TNFAIP8: variants seen among roughly 807,000 people sequenced by gnomAD.
The protein encoded by TNFAIP8 is tumor necrosis factor alpha-induced protein 8.
TNFAIP8 carries 7 observed loss-of-function variants against 13.3 expected under a neutral mutation model. The ratio of observed to expected loss-of-function variants is 0.52; its 90% confidence interval spans 0.30 to 0.99. TNFAIP8 has a LOEUF of 0.99. Ranked by LOEUF, TNFAIP8 falls within the 50% of genes least tolerant of loss-of-function variation. TNFAIP8 has a pLI of 0.07. For synonymous variants in TNFAIP8, 94 were observed against 87.6 expected, an observed-to-expected ratio of 1.07 and a Z score of -0.41; for missense variants, 258 against 236.9, an observed-to-expected ratio of 1.09 and a Z score of -0.58.
upstream of TNFAIP8, chr5:119,355,310 C>T (rs1177124210): frequency 5.7e-6 from 4 of 701,750 alleles, no homozygotes; most frequent in South Asian, 3.0e-5. Context: ...GCAATGAGTG[C>T]CCGGGCTGTG....
intron 1 of TNFAIP8, among the ~76,000 whole-genome samples, chr5:119,295,098 A>G (rs1441973422): frequency 6.6e-6 from 1 of 151,784 alleles, no homozygotes; most frequent in African/African-American, 2.4e-5. Context: ...TTGGTGTTTT[A>G]GACATGAAGT....
chr5:119,355,835 G>A (rs1751381470), upstream of TNFAIP8: 3 of 1,001,378 alleles, frequency 3.0e-6, no homozygotes, highest in South Asian at 7.2e-5. Flanking sequence ...GCCTCCGCCC[G>A]GCTGCCGGCC....
intron 1 of TNFAIP8, among the ~76,000 whole-genome samples, chr5:119,301,028 T>G (rs1749374373): frequency 6.6e-6 from 1 of 152,160 alleles, no homozygotes; most frequent in Non-Finnish European, 1.5e-5. Context: ...AAACAGTTGT[T>G]TGCAATTCAG....
intron 1 of TNFAIP8, among the ~76,000 whole-genome samples, chr5:119,318,206 CTTT>C (rs556058609): frequency 1.4e-5 from 2 of 146,556 alleles, no homozygotes; most frequent in Non-Finnish European, 3.0e-5. Context: ...ATTGACACTT[CTTT>C]TTTTTTTTCA....
chr5:119,338,060 T>TG (rs1174748522), intron 1 of TNFAIP8, among the ~76,000 whole-genome samples: 1 of 152,130 alleles, frequency 6.6e-6, no homozygotes, highest in Non-Finnish European at 1.5e-5. Flanking sequence ...TCACCACATG[T>TG]GCCCCTGAGC....
At chr5:119,273,295 A>C (rs542216938) in intron 1 of TNFAIP8, among the ~76,000 whole-genome samples, 2 of 152,374 alleles carry the variant, frequency 1.3e-5, no homozygotes, top group East Asian at 3.9e-4. Context: ...TAGATTGGCC[A>C]AATAGGTCTC....
intron 1 of TNFAIP8, among the ~76,000 whole-genome samples, chr5:119,283,673 A>G (rs1195811044): frequency 6.6e-6 from 1 of 152,082 alleles, no homozygotes; most frequent in African/African-American, 2.4e-5. Context: ...GTTCCTTGTC[A>G]GTGCCCTGAA....
chr5:119,282,690 A>G (rs1054878627), intron 1 of TNFAIP8, among the ~76,000 whole-genome samples: 1 of 152,150 alleles, frequency 6.6e-6, no homozygotes, highest in Non-Finnish European at 1.5e-5. Flanking sequence ...GGCCCCTGGC[A>G]TGTGGGGCAT....
At chr5:119,389,044 A>T (rs985253297) in intron 1 of TNFAIP8, among the ~76,000 whole-genome samples, 2 of 152,128 alleles carry the variant, frequency 1.3e-5, no homozygotes, top group African/African-American at 4.8e-5. Context: ...AGGGAAATGG[A>T]TAGAATTCAG....
intron 1 of TNFAIP8, among the ~76,000 whole-genome samples, chr5:119,309,617 A>C (rs1749670782): frequency 6.6e-6 from 1 of 152,226 alleles, no homozygotes; most frequent in South Asian, 2.1e-4. Context: ...GTAGTTCTGC[A>C]CGTGATCGAA....
intron 1 of TNFAIP8, among the ~76,000 whole-genome samples, chr5:119,326,480 G>A (rs977035412): frequency 2.6e-5 from 4 of 152,202 alleles, no homozygotes; most frequent in African/African-American, 9.7e-5. Flanking sequence ...CACGGTGGGG[G>A]CAGGACTGGG....
intron 1 of TNFAIP8, among the ~76,000 whole-genome samples, chr5:119,322,614 G>A (rs1380219934): frequency 6.6e-6 from 1 of 152,158 alleles, no homozygotes; most frequent in Non-Finnish European, 1.5e-5. Flanking sequence ...AGACAGACTG[G>A]TCCTCCATAA....
intron 1 of TNFAIP8, among the ~76,000 whole-genome samples, chr5:119,325,796 C>G (rs150126497): frequency 6.6e-6 from 1 of 152,318 alleles, no homozygotes; most frequent in Non-Finnish European, 1.5e-5. Context: ...GTCACTGTAG[C>G]CACACCAGCC....
rs1003679105 is a variant in TNFAIP8, at chr5:119,289,031, T to A, written c.1+20124T>A. ...CTAGCACGGTTTTGTAGCTTTCTTT[T>A]ATGGAGGTTCTTAATTATTTTGCTA... On this transcript the variant is annotated intron_variant, in intron 1 of 1. Coordinates refer to the TNFAIP8 transcript ENST00000274456. 1.2e-4 allele frequency among the ~76,000 whole-genome samples: 18 copies of A among 152,236 alleles called. 1 individual carries two copies. The highest frequency in any genetic ancestry group is 2.9e-4 in the African/African-American group (12 of 41,472).
chr5:119,279,630 GC>G (rs1349206965), intron 1 of TNFAIP8, among the ~76,000 whole-genome samples: 1 of 152,084 alleles, frequency 6.6e-6, no homozygotes, highest in Admixed American at 6.6e-5. Context: ...GAGTGCAATG[GC>G]TATTCACAGG....
intron 1 of TNFAIP8, among the ~76,000 whole-genome samples, chr5:119,321,512 G>A (rs1490984351): frequency 1.3e-5 from 2 of 152,078 alleles, no homozygotes; most frequent in East Asian, 3.9e-4. Context: ...CATCTTGATT[G>A]CATGCCCTTT....
At chr5:119,302,408 A>G (rs1749423711) in intron 1 of TNFAIP8, among the ~76,000 whole-genome samples, 1 of 152,242 alleles carries the variant, frequency 6.6e-6, no homozygotes, top group Non-Finnish European at 1.5e-5. Flanking sequence ...GTTTCCTGCT[A>G]GAATCCCATT....
chr5:119,274,969 A>G (rs1199347050), intron 1 of TNFAIP8, among the ~76,000 whole-genome samples: 2 of 152,104 alleles, frequency 1.3e-5, no homozygotes, highest in Non-Finnish European at 2.9e-5. Flanking sequence ...TGTTCTAGAA[A>G]GAAGCTTATT....
intron 1 of TNFAIP8, among the ~76,000 whole-genome samples, chr5:119,293,347 C>T (rs958718023): frequency 7.9e-5 from 12 of 152,160 alleles, no homozygotes; most frequent in African/African-American, 2.7e-4. Flanking sequence ...TTTTGAGCAA[C>T]ATCTCCCCAT....
Sources: allele counts gnomAD v4.1 joint callset (sites outside exome capture counted in the v4.1 genomes callset), GRCh38; gene constraint gnomAD v4.1.1; transcripts MANE v1.5; gene names NCBI Gene and HGNC (gene_info 2026-07-23, HGNC 2026-07-21).